TRERF1: variants seen among roughly 807,000 people sequenced by gnomAD.
TRERF1 encodes transcriptional regulating factor 1.
A neutral mutation model predicts 122.9 loss-of-function variants in TRERF1; 27 were observed. The observed-to-expected ratio is 0.22, with a 90% CI of 0.16 to 0.30. The LOEUF is 0.30. Ranked by LOEUF, TRERF1 falls within the 10% of genes least tolerant of loss-of-function variation. TRERF1 has a pLI of 1.00. For missense variants in TRERF1, 1,248 were observed against 1,560.3 expected (o/e 0.80, Z 3.37); for synonymous variants, 636 against 641.7 (o/e 0.99, Z 0.13).
chr6:42,294,430 T>C (rs998875423), intron 4 of TRERF1, among the ~76,000 whole-genome samples: 2 of 152,064 alleles, frequency 1.3e-5, no homozygotes, highest in Admixed American at 6.5e-5. Flanking sequence ...TCCGCTCGCC[T>C]CAGCCTCCCA....
At chr6:42,332,318 C>T (rs138288307) in intron 3 of TRERF1, among the ~76,000 whole-genome samples, 2 of 152,346 alleles carry the variant, frequency 1.3e-5, no homozygotes, top group East Asian at 1.9e-4. Flanking sequence ...GTGTAGCAGG[C>T]GGGGCCAAGC....
intron 13 of TRERF1, among the ~76,000 whole-genome samples, chr6:42,249,183 CAG>C (rs1000118777): frequency 2.6e-5 from 4 of 152,304 alleles, no homozygotes; most frequent in South Asian, 4.1e-4. Flanking sequence ...GATGGGGAAT[CAG>C]GGGACATTTT....
intron 2 of TRERF1, among the ~76,000 whole-genome samples, chr6:42,380,181 T>C (rs1267652776): frequency 9.1e-6 from 1 of 109,526 alleles, no homozygotes; most frequent in Non-Finnish European, 1.7e-5. Context: ...GAGTCCAGTG[T>C]GGTAACAGTG....
At chr6:42,405,803 A>T (rs796212549) in intron 2 of TRERF1, among the ~76,000 whole-genome samples, 44 of 150,982 alleles carry the variant, frequency 2.9e-4, no homozygotes, top group African/African-American at 9.8e-4. Context: ...TCAAAAAAAA[A>T]AAAATTAAAA....
intron 4 of TRERF1, among the ~76,000 whole-genome samples, chr6:42,281,049 CAGGGGATAAAG>C (rs1244755848): frequency 6.6e-6 from 1 of 152,106 alleles, no homozygotes; most frequent in Non-Finnish European, 1.5e-5. Context: ...TGAGAGGCCT[CAGGGGATAAAG>C]AGGGGTCCTG....
intron 2 of TRERF1, among the ~76,000 whole-genome samples, chr6:42,449,140 G>A (rs1429775323): frequency 2.0e-5 from 3 of 152,248 alleles, no homozygotes; most frequent in Non-Finnish European, 4.4e-5. Flanking sequence ...TCACATAAAT[G>A]CTATGTGATA....
intron 2 of TRERF1, among the ~76,000 whole-genome samples, chr6:42,435,336 T>C (rs1357137561): frequency 6.6e-6 from 1 of 152,164 alleles, no homozygotes; most frequent in African/African-American, 2.4e-5. Flanking sequence ...AGTTTTTGTA[T>C]TTTTTGAGGA....
chr6:42,370,151 C>T (rs1268234692), intron 2 of TRERF1, among the ~76,000 whole-genome samples: 1 of 152,112 alleles, frequency 6.6e-6, no homozygotes, highest in African/African-American at 2.4e-5. Flanking sequence ...TCTCTTTATA[C>T]CCTACCATTC....
In TRERF1 at chr6:42,276,892, G is replaced by A. The variant is rs4714586; in HGVS notation, c.-258-7044C>T. ...TCCCTCCAAGCCCTGGGGATCAGTA[G>A]GAAGCCCGACGCATAGCTCAGGAAC... On this transcript the variant is annotated intron_variant, in intron 4 of 17. Coordinates refer to ENST00000372922, the Ensembl canonical transcript of TRERF1. The surrounding 1 kb of genome is among the most constrained non-coding windows in gnomAD (Gnocchi z 4.3). Among the ~76,000 whole-genome samples, 66,403 of 151,958 alleles carry A rather than the reference G, an allele frequency of 0.44. 14,971 individuals are homozygous for A. The highest frequency in any genetic ancestry group is 0.54 in the African/African-American group (22,289 of 41,426).
intron 4 of TRERF1, among the ~76,000 whole-genome samples, chr6:42,281,007 G>A (rs1782209692): frequency 6.6e-6 from 1 of 152,172 alleles, no homozygotes; most frequent in Non-Finnish European, 1.5e-5. Context: ...TGTGGACGGT[G>A]GGAGGGATGA....
At chr6:42,252,746 A>G (rs1776045249) in intron 13 of TRERF1, among the ~76,000 whole-genome samples, 1 of 152,200 alleles carries the variant, frequency 6.6e-6, no homozygotes, top group Non-Finnish European at 1.5e-5. Flanking sequence ...GCTTAGAAGG[A>G]AACTGTTAAG....
chr6:42,419,238 TC>T (rs1582119304), intron 2 of TRERF1, among the ~76,000 whole-genome samples: 1 of 138,950 alleles, frequency 7.2e-6, no homozygotes, highest in Non-Finnish European at 1.6e-5. Flanking sequence ...AGTTTCTACT[TC>T]CCCCCACCGC....
chr6:42,330,269 G>T (rs914213659), intron 3 of TRERF1, among the ~76,000 whole-genome samples: 15 of 152,094 alleles, frequency 9.9e-5, no homozygotes, highest in Non-Finnish European at 1.8e-4. Flanking sequence ...AATTGGAAAA[G>T]AATTTAAAAT....
chr6:42,242,755 G>A (rs1773992345), intron 15 of TRERF1, among the ~76,000 whole-genome samples: 1 of 152,210 alleles, frequency 6.6e-6, no homozygotes, highest in African/African-American at 2.4e-5. Flanking sequence ...CAGCGAATTA[G>A]TTCCTTAATG....
At chr6:42,229,779 G>A (rs895853272) in intron 17 of TRERF1, among the ~76,000 whole-genome samples, 1 of 152,152 alleles carries the variant, frequency 6.6e-6, no homozygotes. Context: ...AGAAACCCGG[G>A]GATAAAATGA....
At chr6:42,436,815 ATATATATATATAT>A (rs1459801218) in intron 2 of TRERF1, among the ~76,000 whole-genome samples, 5 of 63,198 alleles carry the variant, frequency 7.9e-5, no homozygotes, top group Non-Finnish European at 1.3e-4. Flanking sequence ...AAAAAAAAAA[ATATATATATATAT>A]ATATATATAT....
chr6:42,406,204 C>G (rs1032660901), intron 2 of TRERF1, among the ~76,000 whole-genome samples: 1 of 152,304 alleles, frequency 6.6e-6, no homozygotes, highest in Admixed American at 6.5e-5. Flanking sequence ...GGACCTGGCC[C>G]CAGGTGACTA....
At chr6:42,452,216 G>A (rs1375162699), upstream of TRERF1, among the ~76,000 whole-genome samples, 9 of 140,130 alleles carry the variant, frequency 6.4e-5, no homozygotes, top group Admixed American at 3.6e-4. Flanking sequence ...CTTGCAAAAG[G>A]AGAAAGGCGG....
At chr6:42,257,144 T>G in intron 10 of TRERF1, 42 bp from the exon 11 acceptor site, 1 of 1,610,396 alleles carries the variant, frequency 6.2e-7, no homozygotes, top group South Asian at 1.1e-5. Flanking sequence ...GGTCTTCAAT[T>G]TGATGGCTCA....
Sources: allele counts gnomAD v4.1 joint callset (sites outside exome capture counted in the v4.1 genomes callset), GRCh38; gene constraint gnomAD v4.1.1; non-coding constraint Gnocchi (gnomAD v3.1); transcripts MANE v1.5; gene names NCBI Gene and HGNC (gene_info 2026-07-23, HGNC 2026-07-21).